The following RPTOR variants were observed in gnomAD, a reference collection of about 807,000 sequenced individuals.
RPTOR encodes the protein regulatory-associated protein of mTOR.
Under a neutral mutation model 169.9 loss-of-function variants are expected in RPTOR, and 21 were observed. That is an observed-to-expected ratio of 0.12 (90% CI 0.09 to 0.18). The LOEUF is 0.18. Ranked by LOEUF, RPTOR falls within the 10% of genes least tolerant of loss-of-function variation. The pLI is 1.00. For missense variants in RPTOR, 1,133 were observed against 1,855.9 expected (o/e 0.61, Z 7.16); for synonymous variants, 732 against 753.2 (o/e 0.97, Z 0.46).
chr17:80,932,627 AATC>A (rs1423063691), intron 24 of RPTOR, among the ~76,000 whole-genome samples: 1 of 152,200 alleles, frequency 6.6e-6, no homozygotes, highest in Non-Finnish European at 1.5e-5. Flanking sequence ...CAAGGAAAAA[AATC>A]AGTGAATTTA....
At chr17:80,706,760 G>A (rs2066145091) in intron 3 of RPTOR, among the ~76,000 whole-genome samples, 2 of 152,264 alleles carry the variant, frequency 1.3e-5, no homozygotes, top group Non-Finnish European at 1.5e-5. Context: ...TAGCAGCTTA[G>A]CTCCTTGGGG....
At chr17:80,771,731 C>T (rs2066845454) in intron 6 of RPTOR, among the ~76,000 whole-genome samples, 1 of 152,170 alleles carries the variant, frequency 6.6e-6, no homozygotes, top group East Asian at 1.9e-4. Flanking sequence ...GGCCAGCTGG[C>T]ATCTCCCAGG....
At chr17:80,664,162 C>T (rs182603089) in intron 3 of RPTOR, among the ~76,000 whole-genome samples, 32 of 152,260 alleles carry the variant, frequency 2.1e-4, no homozygotes, top group African/African-American at 7.5e-4. Context: ...GGCTGTGGAG[C>T]GCCCTGTTGC....
chr17:80,610,616 T>G (rs1416054769), intron 1 of RPTOR, among the ~76,000 whole-genome samples: 1 of 152,088 alleles, frequency 6.6e-6, no homozygotes, highest in Non-Finnish European at 1.5e-5. Context: ...CGGCTCTCAC[T>G]GAGTGGGAGT....
At chr17:80,930,167 GCTCAT>G (rs2068861311) in intron 24 of RPTOR, among the ~76,000 whole-genome samples, 1 of 32,176 alleles carries the variant, frequency 3.1e-5, no homozygotes. Context: ...CTCATCCCCA[GCTCAT>G]GCCCAGCTCA....
intron 3 of RPTOR, among the ~76,000 whole-genome samples, chr17:80,660,515 A>G (rs1198596063): frequency 6.6e-6 from 1 of 152,148 alleles, no homozygotes; most frequent in Non-Finnish European, 1.5e-5. Flanking sequence ...CACTCTGAGG[A>G]GCAGAGTTGG....
rs1045482673 is a variant in RPTOR at position 80,608,848 on chromosome 17, G to A, written c.163-16843G>A. 3.3e-5 allele frequency among the ~76,000 whole-genome samples: 5 copies of A among 152,316 alleles called. No individual in the cohort carries two copies. The South Asian group carries it at 6.2e-4, about 19-fold the overall frequency. Reference sequence around the variant, plus strand: ...CAGATGCGGGAACAGGTGCTTCTGCGCGTGGTTCAGATGGAACCGCTATAG... The same window carrying A: ...CAGATGCGGGAACAGGTGCTTCTGCACGTGGTTCAGATGGAACCGCTATAG... On this transcript the variant is annotated intron_variant, in intron 1 of 33. Coordinates refer to ENST00000306801, the MANE Select transcript of RPTOR (RefSeq NM_020761.3).
At chr17:80,961,128 G>T in intron 30 of RPTOR, 1 of 479,048 alleles carries the variant, frequency 2.1e-6, no homozygotes. Flanking sequence ...CTTCCATGTG[G>T]CTCAGACAGT....
chr17:80,633,639 G>C lies in RPTOR; in HGVS notation c.265+7846G>C, dbSNP rs2143558397. On this transcript the variant is annotated intron_variant, in intron 2 of 33. Coordinates refer to ENST00000306801, the MANE Select transcript of RPTOR (RefSeq NM_020761.3). The surrounding 1 kb of genome is among the most constrained non-coding windows in gnomAD (Gnocchi z 4.1). ...CATGCAGATCTTCTCACCTGATTCA[G>C]CTGGCGCCTGCTGGACCTCATGTGA... is the stretch of plus-strand genomic sequence containing the variant. 6.6e-6 allele frequency among the ~76,000 whole-genome samples: 1 copy of C among 152,350 alleles called. No individual in the cohort carries two copies. The highest frequency in any genetic ancestry group is 6.5e-5 in the Admixed American group (1 of 15,312).
chr17:80,824,460 T>A (rs531618362), intron 9 of RPTOR, among the ~76,000 whole-genome samples: 15 of 152,364 alleles, frequency 9.8e-5, no homozygotes, highest in East Asian at 1.9e-4. Flanking sequence ...GAACATTTTT[T>A]AAAAATAAAT....
chr17:80,803,619 G>T lies in RPTOR; in HGVS notation c.890+12110G>T, dbSNP rs756138257. On this transcript the variant is annotated intron_variant, in intron 7 of 33. Transcript: ENST00000306801. This position sits in a 1 kb window ranked among gnomAD's most constrained non-coding sequence, Gnocchi z 6.2. ...CTCGAGCGCACTTTTCAGACCCCGC[G>T]TGTGTTTCTCAGCACGTTTGTTCAT... 2.0e-5 allele frequency: 3 copies of T among 152,252 alleles called. No homozygotes were observed. Among genetic ancestry groups the T allele is most frequent in the Non-Finnish European group, 2.9e-5 (2 of 68,080 alleles). 9.4% of individuals were successfully genotyped at this position (152,252 alleles called of 1,614,324 possible).
At chr17:80,716,763 A>T (rs572754805) in intron 4 of RPTOR, among the ~76,000 whole-genome samples, 96 of 152,254 alleles carry the variant, frequency 6.3e-4, no homozygotes, top group African/African-American at 2.2e-3. Flanking sequence ...AGAGATGAGG[A>T]TCCAGTTTCA....
intron 13 of RPTOR, among the ~76,000 whole-genome samples, chr17:80,867,192 T>C (rs1359564636): frequency 6.6e-6 from 1 of 152,170 alleles, no homozygotes; most frequent in Non-Finnish European, 1.5e-5. Flanking sequence ...GATGCAAACC[T>C]GTTTAAGGAT....
At chr17:80,732,490 C>T (rs1256220497) in intron 5 of RPTOR, among the ~76,000 whole-genome samples, 1 of 152,104 alleles carries the variant, frequency 6.6e-6, no homozygotes, top group Non-Finnish European at 1.5e-5. Flanking sequence ...GAAAAGATTC[C>T]CATGCATCTT....
At chr17:80,632,911 C>T (rs2065452998) in intron 2 of RPTOR, among the ~76,000 whole-genome samples, 1 of 152,116 alleles carries the variant, frequency 6.6e-6, no homozygotes, top group South Asian at 2.1e-4. Flanking sequence ...CTCAAGCCAT[C>T]CTCCTCCCTC....
At chr17:80,930,312 C>CCAGCT (rs575696923) in intron 24 of RPTOR, among the ~76,000 whole-genome samples, 1,297 of 79,574 alleles carry the variant, frequency 0.016, 10 homozygotes, top group Non-Finnish European at 0.018. Context: ...CAGCTCATCC[C>CCAGCT]CAGCTCAGCT....
rs763087965 is a variant in RPTOR, at chr17:80,754,013, G to A, written c.658G>A (p.Ala220Thr). 3.7e-6 allele frequency: 6 copies of A among 1,612,390 alleles called. No individual in the cohort carries two copies. Among genetic ancestry groups the A allele is most frequent in the Non-Finnish European group, 5.1e-6 (6 of 1,178,660 alleles). ...TCCCGAATGTTCTGCCCTTCAGGTAGCTGCAATCAACCCAAATCACCCTCT... is the reference window on the plus strand; with the variant it reads ...TCCCGAATGTTCTGCCCTTCAGGTAACTGCAATCAACCCAAATCACCCTCT... The part of the protein sequence containing the change: ...ALQREQELEV[A>T]AINPNHPLAQ... Residue 220 changes from alanine to threonine, a missense_variant, in exon 6 of 34, where the codon GCT becomes ACT. Ala to Thr is a moderately conservative substitution (Grantham distance 58, BLOSUM62 0). Coordinates refer to ENST00000306801, the MANE Select transcript of RPTOR (RefSeq NM_020761.3). This position sits in a 1 kb window ranked among gnomAD's most constrained non-coding sequence, Gnocchi z 4.2.
chr17:80,871,524 C>T (rs1048660623), intron 13 of RPTOR, among the ~76,000 whole-genome samples: 3 of 152,164 alleles, frequency 2.0e-5, no homozygotes, highest in African/African-American at 7.2e-5. Context: ...GCAGACCCGG[C>T]TGAGGTCAGG....
intron 7 of RPTOR, 88 bp from the exon 8 acceptor site, chr17:80,822,113 G>T: frequency 8.1e-7 from 1 of 1,238,452 alleles, no homozygotes. Flanking sequence ...GCCTTTCGCC[G>T]CCCGCGCCCT....
Sources: gnomAD v4.1 joint callset for allele counts (sites outside exome capture counted in the v4.1 genomes callset) on GRCh38, gnomAD v4.1.1 for gene constraint, Gnocchi (gnomAD v3.1) non-coding constraint, MANE v1.5 for transcripts, NCBI Gene and HGNC (gene_info 2026-07-23, HGNC 2026-07-21) for gene names.